The following TTC7B variants were observed in gnomAD, a reference collection of about 807,000 sequenced individuals.
TTC7B encodes the protein tetratricopeptide repeat domain 7B, also known as tetratricopeptide repeat protein 7B.
A neutral mutation model predicts 106.8 loss-of-function variants in TTC7B; 28 were observed. The ratio of observed to expected loss-of-function variants is 0.26; its 90% CI spans 0.19 to 0.36. The LOEUF is 0.36. Ranked by LOEUF, TTC7B falls within the 10% of genes least tolerant of loss-of-function variation. The probability of loss-of-function intolerance (pLI) is 1.00; values close to 1 mark genes in which losing one functional copy is unlikely to be tolerated. For synonymous variants in TTC7B, 405 were observed against 430.6 expected, an observed-to-expected ratio of 0.94 and a Z score of 0.74; for missense variants, 862 against 1,076.4, an observed-to-expected ratio of 0.80 and a Z score of 2.79.
intron 17 of TTC7B, among the ~76,000 whole-genome samples, chr14:90,607,502 T>C (rs1288014426): frequency 1.3e-5 from 2 of 152,232 alleles, no homozygotes; most frequent in Non-Finnish European, 2.9e-5. Flanking sequence ...GTCACTTCTG[T>C]TTCACTGGGA....
rs150548867 is a variant in TTC7B at position 90,575,004 on chromosome 14, C to T, written c.2310+3102G>A. Among the ~76,000 whole-genome samples the T allele has an allele frequency of 1.3e-5, 2 of 152,306 alleles. No homozygotes were observed. Among genetic ancestry groups the T allele is most frequent in the African/African-American group, 4.8e-5 (2 of 41,558 alleles). ...CTTCTGACCCTGGCCTCCCTGGCCT[C>T]CCCCTCGCCGCTCTCCCTGTGTGCC... On this transcript the variant is annotated intron_variant, in intron 19 of 19. Coordinates refer to ENST00000328459, the MANE Select transcript of TTC7B (RefSeq NM_001010854.2). The surrounding 1 kb of genome is among the most constrained non-coding windows in gnomAD (Gnocchi z 5.2).
At position 90,807,710 on chromosome 14, in the gene TTC7B, T is replaced by C. The variant is rs2030690090; in HGVS notation, c.121+8465A>G. On this transcript the variant is annotated intron_variant, in intron 1 of 19. Transcript: ENST00000328459. This position sits in a 1 kb window ranked among gnomAD's most constrained non-coding sequence, Gnocchi z 4.1. ...CCTACTCAAACTAACTGAGGCTGTTTACAAATGTAGATTTCCAGCTTCTAC... is the reference window on the plus strand; with the variant it reads ...CCTACTCAAACTAACTGAGGCTGTTCACAAATGTAGATTTCCAGCTTCTAC... Among the ~76,000 whole-genome samples, 1 of 152,240 alleles carries C rather than the reference T, an allele frequency of 6.6e-6. No homozygotes were observed. The highest frequency in any genetic ancestry group is 1.5e-5 in the Non-Finnish European group (1 of 68,044).
At chr14:90,661,119 G>A (rs1186647793) in intron 9 of TTC7B, among the ~76,000 whole-genome samples, 2 of 152,242 alleles carry the variant, frequency 1.3e-5, no homozygotes, top group Admixed American at 6.5e-5. Flanking sequence ...GAGAAAGCGC[G>A]TGGCCCTGAT....
At chr14:90,583,798 T>C (rs1891604190) in intron 18 of TTC7B, among the ~76,000 whole-genome samples, 1 of 152,218 alleles carries the variant, frequency 6.6e-6, no homozygotes, top group Non-Finnish European at 1.5e-5. Flanking sequence ...GGTTTGTCCC[T>C]GCTATTGGGT....
At chr14:90,797,461 A>G (rs186937325) in intron 1 of TTC7B, among the ~76,000 whole-genome samples, 4 of 148,896 alleles carry the variant, frequency 2.7e-5, no homozygotes, top group Admixed American at 2.0e-4. Context: ...TAGTCTAAAG[A>G]AAAAAAAAGC....
chr14:90,637,982 A>G (rs1251731769), intron 15 of TTC7B, among the ~76,000 whole-genome samples: 1 of 151,604 alleles, frequency 6.6e-6, no homozygotes, highest in Non-Finnish European at 1.5e-5. Context: ...CCTGGGCTCA[A>G]CTGATCCTCC....
intron 3 of TTC7B, among the ~76,000 whole-genome samples, chr14:90,750,044 A>G (rs1452255446): frequency 6.6e-6 from 1 of 152,232 alleles, no homozygotes; most frequent in Non-Finnish European, 1.5e-5. Context: ...GTGAACTGTT[A>G]TAACCTCTTG....
At chr14:90,659,213 T>TGTGTGTGTGTGTGTGTG (rs1566822930) in intron 9 of TTC7B, among the ~76,000 whole-genome samples, 1 of 146,620 alleles carries the variant, frequency 6.8e-6, no homozygotes, top group African/African-American at 2.5e-5. Flanking sequence ...ACGAGTGTGA[T>TGTGTGTGTGTGTGTGTG]TGTGTGTGTG....
intron 5 of TTC7B, among the ~76,000 whole-genome samples, chr14:90,702,857 G>A (rs907288728): frequency 6.6e-6 from 1 of 152,170 alleles, no homozygotes; most frequent in African/African-American, 2.4e-5. Flanking sequence ...GGGGGCAGGG[G>A]AACAGTCTCC....
At chr14:90,707,599 C>G (rs1030541377) in intron 5 of TTC7B, among the ~76,000 whole-genome samples, 6 of 152,096 alleles carry the variant, frequency 3.9e-5, no homozygotes, top group Admixed American at 1.3e-4. Flanking sequence ...CCAGTCAACA[C>G]ACAAATGATA....
In TTC7B at chr14:90,809,879, C is replaced by T. The variant is rs2030806335; in HGVS notation, c.121+6296G>A. Among the ~76,000 whole-genome samples the T allele has an allele frequency of 2.0e-5, 3 of 152,198 alleles. No homozygotes were observed. In the South Asian group the frequency reaches 6.2e-4, roughly 31 times the overall value. On this transcript the variant is annotated intron_variant, in intron 1 of 19. Coordinates refer to ENST00000328459, the MANE Select transcript of TTC7B (RefSeq NM_001010854.2). Reference sequence around the variant, plus strand: ...AGCTGGGAGATGGGAGTGGATAACACCCACCACCACCAGCAACAGAAAACA... The same window carrying T: ...AGCTGGGAGATGGGAGTGGATAACATCCACCACCACCAGCAACAGAAAACA...
chr14:90,739,610 G>A (rs2139997517), intron 4 of TTC7B, among the ~76,000 whole-genome samples: 1 of 152,296 alleles, frequency 6.6e-6, no homozygotes, highest in Non-Finnish European at 1.5e-5. Flanking sequence ...TAATATTTGG[G>A]GACCTGGTGT....
chr14:90,771,368 G>A (rs1891439554), intron 3 of TTC7B, among the ~76,000 whole-genome samples: 1 of 152,134 alleles, frequency 6.6e-6, no homozygotes, highest in South Asian at 2.1e-4. Context: ...GGTCAAGGCG[G>A]GAGGCTCGCT....
chr14:90,710,860 A>G (rs1888417541), intron 5 of TTC7B, among the ~76,000 whole-genome samples: 1 of 152,216 alleles, frequency 6.6e-6, no homozygotes, highest in African/African-American at 2.4e-5. Flanking sequence ...GGAAACCAAA[A>G]AATTCATGTG....
intron 7 of TTC7B, 83 bp downstream of exon 7, chr14:90,689,457 T>C (rs921544198): frequency 2.4e-6 from 3 of 1,239,780 alleles, no homozygotes; most frequent in Non-Finnish European, 2.3e-6. Context: ...AAAAATCTAC[T>C]CTTGTACTTC....
intron 7 of TTC7B, among the ~76,000 whole-genome samples, chr14:90,681,295 A>G (rs1887038230): frequency 6.6e-6 from 1 of 152,162 alleles, no homozygotes; most frequent in African/African-American, 2.4e-5. Context: ...TGTGAATGTT[A>G]TCACCAATTG....
rs1888136399 is a variant in TTC7B at position 90,704,742 on chromosome 14, T to A, written c.699-9164A>T. Among the ~76,000 whole-genome samples the A allele has an allele frequency of 3.3e-5, 5 of 152,144 alleles. No individual in the cohort carries two copies. The South Asian group carries it at 1.0e-3, about 32-fold the overall frequency. The stretch of plus-strand genomic sequence containing the variant: ...CTGAGCTTCACAGCAGAAACAGGAC[T>A]CAGAAGAAAGATGGTGTCGGGGAAA... On this transcript the variant is annotated intron_variant, in intron 5 of 19. Transcript: ENST00000328459.
At chr14:90,643,862 T>G (rs766728159) in intron 15 of TTC7B, among the ~76,000 whole-genome samples, 186 bp downstream of exon 15, 18 of 152,090 alleles carry the variant, frequency 1.2e-4, no homozygotes, top group Non-Finnish European at 2.4e-4. Context: ...GGATTATAGA[T>G]GTGAGCCACG....
chr14:90,542,032 C>T (rs1008527794), intron 19 of TTC7B, among the ~76,000 whole-genome samples: 3 of 152,144 alleles, frequency 2.0e-5, no homozygotes, highest in Non-Finnish European at 2.9e-5. Context: ...CTCCGCCTCC[C>T]GGGTTCATGC....
Sources: allele counts gnomAD v4.1 joint callset (sites outside exome capture counted in the v4.1 genomes callset), GRCh38; gene constraint gnomAD v4.1.1; non-coding constraint Gnocchi (gnomAD v3.1); transcripts MANE v1.5; gene names NCBI Gene and HGNC (gene_info 2026-07-23, HGNC 2026-07-21).